The following SUPT3H variants were observed in gnomAD, a reference collection of about 807,000 sequenced individuals.
SUPT3H encodes transcription initiation protein SPT3 homolog.
SUPT3H carries 44 observed loss-of-function variants against 44.3 expected under a neutral mutation model. The observed-to-expected ratio is 0.99, with a 90% CI of 0.78 to 1.28. The LOEUF is 1.28. Among genes scored for constraint, SUPT3H ranks in the 50% most tolerant of loss-of-function variants. The pLI, the probability that SUPT3H is intolerant of heterozygous loss-of-function variation, is 0.00. For missense variants in SUPT3H, 380 were observed against 387.1 expected (o/e 0.98, Z 0.15); for synonymous variants, 124 against 125.6 (o/e 0.99, Z 0.09).
intron 2 of SUPT3H, among the ~76,000 whole-genome samples, chr6:45,178,791 T>G (rs1812529905): frequency 6.6e-6 from 1 of 152,098 alleles, no homozygotes; most frequent in African/African-American, 2.4e-5. Flanking sequence ...ACATGGAAAC[T>G]GAACAACCTG....
intron 2 of SUPT3H, among the ~76,000 whole-genome samples, chr6:45,276,447 G>A (rs1351931561): frequency 6.6e-6 from 1 of 152,086 alleles, no homozygotes; most frequent in Non-Finnish European, 1.5e-5. Context: ...TTGCTTTAGG[G>A]TCTGTGAGAT....
intron 10 of SUPT3H, among the ~76,000 whole-genome samples, chr6:44,909,124 G>GGTGTGT (rs747035626): frequency 8.5e-6 from 1 of 117,056 alleles, no homozygotes; most frequent in African/African-American, 3.2e-5. Context: ...ATACCTAAGA[G>GGTGTGT]GTGTGTGTGT....
intron 2 of SUPT3H, among the ~76,000 whole-genome samples, chr6:45,364,509 C>A (rs1794800724): frequency 6.6e-6 from 1 of 151,916 alleles, no homozygotes; most frequent in Admixed American, 6.6e-5. Flanking sequence ...CTTATACAGA[C>A]AAAATTGTCT....
intron 3 of SUPT3H, among the ~76,000 whole-genome samples, chr6:45,053,740 C>CAAAAAAAAAAAAAAA (rs57736879): frequency 5.0e-5 from 3 of 59,444 alleles, no homozygotes; most frequent in African/African-American, 6.7e-5. Context: ...ACTAAAAATA[C>CAAAAAAAAAAAAAAA]AAAAAAAAAA....
chr6:44,837,558 T>C (rs998063429), intron 10 of SUPT3H, among the ~76,000 whole-genome samples: 11 of 152,218 alleles, frequency 7.2e-5, no homozygotes, highest in Non-Finnish European at 1.2e-4. Context: ...GTGACCTTGA[T>C]AGCCCAACCA....
At chr6:45,356,697 G>T (rs894588955) in intron 2 of SUPT3H, among the ~76,000 whole-genome samples, 1 of 152,000 alleles carries the variant, frequency 6.6e-6, no homozygotes, top group African/African-American at 2.4e-5. Context: ...GAGCCACCTC[G>T]CCTGGCCCAA....
At position 45,020,567 on chromosome 6, in the gene SUPT3H, C is replaced by G. The variant is rs772842286; in HGVS notation, c.252G>C (p.Leu84=). Residue 84 remains leucine, a synonymous_variant, in exon 4 of 11, where the codon CTG becomes CTC. Transcript: ENST00000371459. ...GARVITPEDL[L]FLMRKDKKKL... ...TTACCTTATCTTTGCGCATCAAAAA[C>G]AGAAGATCTTCAGGAGTGATTACCC... 1.9e-6 allele frequency: 3 copies of G among 1,611,408 alleles called. No individual in the cohort carries two copies. The South Asian group carries it at 3.3e-5, about 18-fold the overall frequency.
At chr6:44,845,744 T>A (rs1439915877) in intron 10 of SUPT3H, among the ~76,000 whole-genome samples, 3 of 152,200 alleles carry the variant, frequency 2.0e-5, no homozygotes, top group Non-Finnish European at 4.4e-5. Context: ...CTCGCTGGCA[T>A]GAGCCCAGGC....
At chr6:45,274,372 T>C (rs1165300726) in intron 2 of SUPT3H, among the ~76,000 whole-genome samples, 3 of 152,230 alleles carry the variant, frequency 2.0e-5, no homozygotes, top group Non-Finnish European at 1.5e-5. Context: ...CATTGTGTTA[T>C]ATCTAAGAGT....
At chr6:45,348,395 G>A (rs562801919) in intron 2 of SUPT3H, among the ~76,000 whole-genome samples, 4 of 151,362 alleles carry the variant, frequency 2.6e-5, no homozygotes, top group South Asian at 2.1e-4. Flanking sequence ...AGCCAGGCAC[G>A]GTGGCTCACG....
chr6:44,902,988 C>A (rs1011605238), intron 10 of SUPT3H, among the ~76,000 whole-genome samples: 1 of 152,002 alleles, frequency 6.6e-6, no homozygotes, highest in Non-Finnish European at 1.5e-5. Context: ...CCAACGAGAA[C>A]AAAGACACAA....
chr6:45,230,686 A>T (rs557710954), intron 2 of SUPT3H, among the ~76,000 whole-genome samples: 3,596 of 116,750 alleles, frequency 0.031, 193 homozygotes, highest in African/African-American at 0.062. Context: ...ATATATATAT[A>T]TTTTTGAGAT....
intron 2 of SUPT3H, among the ~76,000 whole-genome samples, chr6:45,309,861 A>G: frequency 6.6e-6 from 1 of 152,194 alleles, no homozygotes; most frequent in East Asian, 1.9e-4. Context: ...AGTGATGAAA[A>G]GGATGGGGAG....
At chr6:45,257,565 T>C (rs962011631) in intron 2 of SUPT3H, among the ~76,000 whole-genome samples, 22 of 152,210 alleles carry the variant, frequency 1.4e-4, no homozygotes, top group African/African-American at 4.8e-4. Context: ...TCAGTCTGTT[T>C]TGTGCTACTA....
intron 2 of SUPT3H, among the ~76,000 whole-genome samples, chr6:45,153,467 A>G (rs184643118): frequency 4.2e-4 from 64 of 152,364 alleles, no homozygotes; most frequent in Admixed American, 4.0e-3. Flanking sequence ...AAGTAAAATT[A>G]ATAAGGCAAC....
chr6:45,316,012 A>C (rs1052423441), intron 2 of SUPT3H, among the ~76,000 whole-genome samples: 5 of 152,202 alleles, frequency 3.3e-5, no homozygotes, highest in African/African-American at 1.2e-4. Context: ...GAATGAATTA[A>C]CAGCATTTGC....
chr6:45,170,098 G>A lies in SUPT3H; in HGVS notation c.102-64092C>T, dbSNP rs946238279. On this transcript the variant is annotated intron_variant, in intron 2 of 10. Coordinates refer to ENST00000371459, the MANE Select transcript of SUPT3H (RefSeq NM_003599.4). ...TAATAGTTGCCTCACTTTGATTTAG[G>A]ACAGGCTATGATTTAAAAAAGAACT... 2.0e-5 allele frequency among the ~76,000 whole-genome samples: 3 copies of A among 152,166 alleles called. No homozygotes were observed. The South Asian group carries it at 6.2e-4, about 32-fold the overall frequency.
intron 10 of SUPT3H, among the ~76,000 whole-genome samples, chr6:44,912,554 G>C (rs904160749): frequency 6.6e-5 from 10 of 152,156 alleles, no homozygotes. Flanking sequence ...TGTGATAGGA[G>C]ATACTCTCTA....
chr6:45,003,815 A>C, intron 5 of SUPT3H, 23 bp from the exon 6 acceptor site: 1 of 1,612,568 alleles, frequency 6.2e-7, no homozygotes, highest in Non-Finnish European at 8.5e-7. Flanking sequence ...AAGGGAAAGA[A>C]AAAAAGAAAT....
Sources: gnomAD v4.1 joint callset for allele counts (sites outside exome capture counted in the v4.1 genomes callset) on GRCh38, gnomAD v4.1.1 for gene constraint, MANE v1.5 for transcripts, NCBI Gene and HGNC (gene_info 2026-07-23, HGNC 2026-07-21) for gene names.